LRMDA: variants seen among roughly 807,000 people sequenced by gnomAD.
The protein encoded by LRMDA is leucine-rich melanocyte differentiation-associated protein.
LRMDA carries 18 observed loss-of-function variants against 29.8 expected under a neutral mutation model. That is an observed-to-expected ratio of 0.60 (90% CI 0.42 to 0.90). The LOEUF (loss-of-function observed/expected upper bound fraction) is 0.90. Among genes scored for constraint, LRMDA ranks in the 40% least tolerant of loss-of-function variants. The probability of loss-of-function intolerance (pLI) is 0.00; values close to 1 mark genes in which losing one functional copy is unlikely to be tolerated. For synonymous variants in LRMDA, 125 were observed against 109.4 expected (o/e 1.14, Z -0.89); for missense variants, 273 against 273.9 (o/e 1.00, Z 0.02).
intron 2 of LRMDA, among the ~76,000 whole-genome samples, chr10:75,502,411 C>CT (rs1189950820): frequency 6.9e-6 from 1 of 145,860 alleles, no homozygotes; most frequent in Non-Finnish European, 1.5e-5. Context: ...AGTTATATAC[C>CT]TTTTTGCCTT....
intron 2 of LRMDA, among the ~76,000 whole-genome samples, chr10:75,818,153 T>A (rs1327948713): frequency 6.6e-6 from 1 of 152,180 alleles, no homozygotes; most frequent in African/African-American, 2.4e-5. Context: ...TTGTGCCCCA[T>A]TGGCCATGGT....
intron 5 of LRMDA, among the ~76,000 whole-genome samples, chr10:76,208,701 G>C (rs866432157): frequency 6.6e-6 from 1 of 152,116 alleles, no homozygotes; most frequent in Non-Finnish European, 1.5e-5. Context: ...TAATCTGTTA[G>C]AGCAGCCATG....
intron 5 of LRMDA, among the ~76,000 whole-genome samples, chr10:76,292,607 A>G (rs1840355516): frequency 6.6e-6 from 1 of 152,214 alleles, no homozygotes; most frequent in African/African-American, 2.4e-5. Context: ...CTGATGAAAT[A>G]ATGATAGGCT....
chr10:76,195,048 C>T (rs903954493), intron 5 of LRMDA, among the ~76,000 whole-genome samples: 6 of 152,140 alleles, frequency 3.9e-5, no homozygotes, highest in African/African-American at 1.4e-4. Flanking sequence ...TTACAGGCCT[C>T]CTAATTGTAC....
intron 2 of LRMDA, among the ~76,000 whole-genome samples, chr10:75,926,420 T>C (rs1846121013): frequency 6.6e-6 from 1 of 152,206 alleles, no homozygotes; most frequent in African/African-American, 2.4e-5. Flanking sequence ...TGCAGAGACA[T>C]GTATGTTTAC....
At chr10:75,854,018 C>G (rs12413498) in intron 2 of LRMDA, among the ~76,000 whole-genome samples, 24,283 of 152,138 alleles carry the variant, frequency 0.16, 2,132 homozygotes, top group Admixed American at 0.22. Context: ...CCTTGCCTGG[C>G]AGCTGATATT....
At position 76,484,836 on chromosome 10, in the gene LRMDA, A is replaced by G. The variant is rs138014280; in HGVS notation, c.602-72373A>G. The stretch of plus-strand genomic sequence containing the variant: ...ATTTTGATGCTCTGTTGTCAGGTGC[A>G]TACCTGATAAGTACTCCTACACTTT... On this transcript the variant is annotated intron_variant, in intron 6 of 6. Coordinates refer to ENST00000611255, the MANE Select transcript of LRMDA (RefSeq NM_001305581.2). Among the ~76,000 whole-genome samples, 663 of 151,902 alleles carry G rather than the reference A, an allele frequency of 4.4e-3. 1 individual carries two copies. The highest frequency in any genetic ancestry group is 0.015 in the African/African-American group (620 of 41,500).
At chr10:76,530,532 C>T (rs1448568850) in intron 6 of LRMDA, among the ~76,000 whole-genome samples, 1 of 152,086 alleles carries the variant, frequency 6.6e-6, no homozygotes, top group African/African-American at 2.4e-5. Flanking sequence ...ATTTAAAATA[C>T]TTATCACAGT....
chr10:76,340,080 A>G (rs1166911666), intron 6 of LRMDA, among the ~76,000 whole-genome samples: 1 of 152,198 alleles, frequency 6.6e-6, no homozygotes, highest in African/African-American at 2.4e-5. Context: ...AATGCATTTA[A>G]AAAATAGTAC....
At chr10:75,755,964 G>A (rs1843027313) in intron 2 of LRMDA, among the ~76,000 whole-genome samples, 1 of 152,230 alleles carries the variant, frequency 6.6e-6, no homozygotes, top group South Asian at 2.1e-4. Context: ...GGCATGTGGA[G>A]AATGGATTGT....
intron 2 of LRMDA, among the ~76,000 whole-genome samples, chr10:75,616,547 CTA>C (rs1327780037): frequency 6.6e-6 from 1 of 152,194 alleles, no homozygotes; most frequent in Non-Finnish European, 1.5e-5. Flanking sequence ...TAATTGGAGT[CTA>C]TGAGTTAAAT....
chr10:75,846,903 A>T (rs1246094069), intron 2 of LRMDA, among the ~76,000 whole-genome samples: 1 of 152,208 alleles, frequency 6.6e-6, no homozygotes, highest in East Asian at 1.9e-4. Flanking sequence ...AGATTGGAAA[A>T]TTTAATACTG....
chr10:76,345,236 T>G (rs1288726993), intron 6 of LRMDA, among the ~76,000 whole-genome samples: 4 of 145,818 alleles, frequency 2.7e-5, no homozygotes, highest in Non-Finnish European at 6.0e-5. Flanking sequence ...CCGGCTAATT[T>G]TTTGTATTTT....
intron 6 of LRMDA, among the ~76,000 whole-genome samples, chr10:76,543,826 T>A (rs764615611): frequency 1.3e-5 from 2 of 152,164 alleles, no homozygotes; most frequent in Non-Finnish European, 2.9e-5. Context: ...CTGTGCCCAA[T>A]GTTCATTCAA....
At chr10:76,115,559 G>T (rs964684545) in intron 5 of LRMDA, among the ~76,000 whole-genome samples, 1 of 152,244 alleles carries the variant, frequency 6.6e-6, no homozygotes, top group Non-Finnish European at 1.5e-5. Flanking sequence ...GAGGTGCAGG[G>T]AGACAGGGAG....
intron 2 of LRMDA, among the ~76,000 whole-genome samples, chr10:75,851,939 TC>T (rs1479776864): frequency 6.6e-6 from 1 of 152,186 alleles, no homozygotes; most frequent in African/African-American, 2.4e-5. Flanking sequence ...GAAGGTCCCT[TC>T]GGTTGAGATC....
intron 2 of LRMDA, among the ~76,000 whole-genome samples, chr10:75,939,661 C>G (rs866624803): frequency 7.2e-5 from 11 of 152,098 alleles, no homozygotes; most frequent in African/African-American, 2.4e-4. Flanking sequence ...CCTAGGAGTT[C>G]GCAGCTTTTC....
intron 2 of LRMDA, among the ~76,000 whole-genome samples, chr10:75,497,772 G>GT (rs1266634982): frequency 1.3e-5 from 2 of 152,028 alleles, no homozygotes; most frequent in Non-Finnish European, 2.9e-5. Flanking sequence ...ATTTATTCCT[G>GT]TTGTATGTAC....
chr10:76,444,154 T>G (rs996596604), intron 6 of LRMDA, among the ~76,000 whole-genome samples: 2 of 152,182 alleles, frequency 1.3e-5, no homozygotes, highest in Non-Finnish European at 2.9e-5. Context: ...ATGCTGGCAT[T>G]ATAGAAAAGG....
Sources: gnomAD v4.1 joint callset for allele counts (sites outside exome capture counted in the v4.1 genomes callset) on GRCh38, gnomAD v4.1.1 for gene constraint, MANE v1.5 for transcripts, NCBI Gene and HGNC (gene_info 2026-07-23, HGNC 2026-07-21) for gene names.